The following DSC3 variants were observed in gnomAD, a reference collection of about 807,000 sequenced individuals.
The protein encoded by DSC3 is desmocollin 3.
Under a neutral mutation model 89.5 loss-of-function variants are expected in DSC3, and 97 were observed. That is an observed-to-expected ratio of 1.08 (90% CI 0.92 to 1.28). The LOEUF (loss-of-function observed/expected upper bound fraction) is 1.28. Among genes scored for constraint, DSC3 ranks in the 50% most tolerant of loss-of-function variants. The probability of loss-of-function intolerance (pLI) is 0.00; values close to 1 mark genes in which losing one functional copy is unlikely to be tolerated. For synonymous variants in DSC3, 436 were observed against 384.1 expected, an observed-to-expected ratio of 1.14 and a Z score of -1.58; for missense variants, 1,199 against 1,085.3, an observed-to-expected ratio of 1.10 and a Z score of -1.47.
Position 31,006,676 on chromosome 18 carries a change from A to G in DSC3, c.1888+231T>C, listed in dbSNP as rs561515875. Among the ~76,000 whole-genome samples the G allele has an allele frequency of 3.9e-5, 6 of 152,286 alleles. No individual in the cohort carries two copies. In the South Asian group the frequency reaches 1.2e-3, roughly 32 times the overall value. On this transcript the variant is annotated intron_variant, in intron 12 of 15. Coordinates refer to ENST00000360428, the MANE Select transcript of DSC3 (RefSeq NM_001941.5). ...TGATAAGCTGCCCAACATTTTAACA[A>G]AGCTTTCCTTTGTTGTAAATGTAAA...
rs890245892 is a variant in DSC3, at chr18:31,011,255, T to G, written c.1264-2730A>C. Among the ~76,000 whole-genome samples, 3 of 152,204 alleles carry G rather than the reference T, an allele frequency of 2.0e-5. No individual in the cohort carries two copies. In the South Asian group the frequency reaches 6.2e-4, roughly 32 times the overall value. On this transcript the variant is annotated intron_variant, in intron 9 of 15. Coordinates refer to ENST00000360428, the MANE Select transcript of DSC3 (RefSeq NM_001941.5). ...TAACACTACAGCATAAAATAAGGCT[T>G]TACACTAAATTCTGAGTAATCTCTC...
At chr18:31,022,960 C>A (rs956293742) in intron 6 of DSC3, among the ~76,000 whole-genome samples, 3 of 151,984 alleles carry the variant, frequency 2.0e-5, no homozygotes, top group Non-Finnish European at 2.9e-5. Flanking sequence ...GTAGTCCAGC[C>A]TCTCCTTTCT....
At chr18:31,042,403 C>A (rs1986162652) in intron 1 of DSC3, among the ~76,000 whole-genome samples, 189 bp downstream of exon 1, 1 of 152,226 alleles carries the variant, frequency 6.6e-6, no homozygotes, top group South Asian at 2.1e-4. Context: ...AGTCCAGAGT[C>A]GACCCGCAAA....
Position 31,006,287 on chromosome 18 carries a change from C to T in DSC3, c.1888+620G>A, listed in dbSNP as rs114788666. On this transcript the variant is annotated intron_variant, in intron 12 of 15. Coordinates refer to ENST00000360428, the MANE Select transcript of DSC3 (RefSeq NM_001941.5). ...CACATCTTCTGCTCTCTCCTCACCT[C>T]GCTGGTATTATTATTATTATTATTA... is the stretch of plus-strand genomic sequence containing the variant. Among the ~76,000 whole-genome samples the T allele has an allele frequency of 5.0e-3, 586 of 116,834 alleles. 8 individuals are homozygous for T. The highest frequency in any genetic ancestry group is 0.019 in the African/African-American group (536 of 28,096). The allele number at this position is 116,834 out of a possible 152,430, so 76.6% of individuals were successfully genotyped here.
At chr18:31,020,462 T>G (rs1463079512) in intron 7 of DSC3, among the ~76,000 whole-genome samples, 2 of 152,142 alleles carry the variant, frequency 1.3e-5, no homozygotes, top group East Asian at 3.9e-4. Flanking sequence ...AAAATGAAAT[T>G]TTGCAGATGG....
chr18:31,002,433 G>T (rs371191424), intron 13 of DSC3, among the ~76,000 whole-genome samples: 49 of 152,286 alleles, frequency 3.2e-4, no homozygotes, highest in African/African-American at 1.1e-3. Flanking sequence ...GGGTGCAGTG[G>T]CTCACGCCTG....
intron 14 of DSC3, among the ~76,000 whole-genome samples, chr18:30,999,288 T>A (rs1984575585): frequency 6.6e-6 from 1 of 152,150 alleles, no homozygotes; most frequent in Non-Finnish European, 1.5e-5. Context: ...ACAGATGATT[T>A]ATTGAACCTG....
intron 7 of DSC3, among the ~76,000 whole-genome samples, chr18:31,020,268 G>A (rs1225962331): frequency 6.6e-6 from 1 of 152,104 alleles, no homozygotes; most frequent in Non-Finnish European, 1.5e-5. Flanking sequence ...GCTGCAGGAT[G>A]AGAAGAGCCT....
chr18:31,008,397 A>T lies in DSC3; in HGVS notation c.1392T>A (p.Asp464Glu). ...GAGTGCATTCAGGCCCCTCATCCAG[A>T]TCCCTCACATGAACTGTAACCAAGG... ...NRALVTVHVRDLDEGPECTPA... is the reference protein window; with the variant it reads ...NRALVTVHVRELDEGPECTPA... Residue 464 changes from aspartate (D) to glutamate (E), a missense_variant, in exon 10 of 16, where the codon GAT becomes GAA. By Grantham distance (45) the Asp-to-Glu change is conservative. Transcript: ENST00000360428. The T allele has an allele frequency of 6.2e-7, 1 of 1,614,128 alleles. No individual in the cohort carries two copies. The highest frequency in any genetic ancestry group is 8.5e-7 in the Non-Finnish European group (1 of 1,180,014).
intron 9 of DSC3, among the ~76,000 whole-genome samples, chr18:31,013,423 A>C (rs1985135361): frequency 6.6e-6 from 1 of 152,142 alleles, no homozygotes; most frequent in East Asian, 1.9e-4. Flanking sequence ...CAAATCTCAC[A>C]ACCACAGAAG....
At chr18:31,007,273 TAGAC>T (rs145368809) in intron 11 of DSC3, 142 bp from the exon 12 acceptor site, 47 of 642,580 alleles carry the variant, frequency 7.3e-5, no homozygotes, top group East Asian at 1.1e-4. Flanking sequence ...AATAAGAACA[TAGAC>T]AGATAAATAG....
rs1391141510 is a variant in DSC3 at position 31,029,625 on chromosome 18, A to G, written c.358T>C (p.Ser120Pro). 6.2e-7 allele frequency: 1 copy of G among 1,613,600 alleles called. No individual in the cohort carries two copies. The highest frequency in any genetic ancestry group is 1.3e-5 in the African/African-American group (1 of 74,934). ...TVLLEHQKKV[S>P]KTRHTRETVL... The stretch of plus-strand genomic sequence containing the variant: ...GTTTCTCTAGTGTGTCTTGTCTTCG[A>G]TACCTGAATTTAGAGAAAAACAAAT... The change falls in exon 4 of 16, where the codon TCG becomes CCG. Residue 120 changes from serine to proline, a missense_variant. By Grantham distance (74) the Ser-to-Pro change is moderately conservative. Coordinates refer to ENST00000360428, the MANE Select transcript of DSC3 (RefSeq NM_001941.5).
At chr18:30,996,700 A>C in intron 15 of DSC3, 91 bp downstream of exon 15, 1 of 1,532,134 alleles carries the variant, frequency 6.5e-7, no homozygotes, top group Non-Finnish European at 8.8e-7. Flanking sequence ...AGCCCACAGA[A>C]AAATACAGAA....
intron 1 of DSC3, among the ~76,000 whole-genome samples, chr18:31,040,723 G>A (rs1357395913): frequency 6.6e-6 from 1 of 152,070 alleles, no homozygotes; most frequent in African/African-American, 2.4e-5. Context: ...TTAAAGATAA[G>A]TAATGGTTTA....
chr18:31,022,488 C>A lies in DSC3; in HGVS notation c.790G>T (p.Val264Leu), dbSNP rs765928616. 3 of 1,613,884 alleles carry A rather than the reference C, an allele frequency of 1.9e-6. No homozygotes were observed. In the African/African-American group the frequency reaches 4.0e-5, roughly 22 times the overall value. Residue 264 changes from valine (V) to leucine (L), a missense_variant, in exon 7 of 16, where the codon GTG (valine) becomes TTG (leucine). By Grantham distance (32) the Val-to-Leu change is conservative. Transcript: ENST00000360428. The part of the protein sequence containing the change: ...ESSRPGTTVG[V>L]VCATDRDEPD... ...TCATCTCTGTCTGTGGCACAAACCA[C>A]CCCCACTGTAGTACCTACACATTAA...
chr18:30,990,140 G>A lies in DSC3; in HGVS notation c.*4035C>T, dbSNP rs1984184345. On this transcript the variant is annotated 3_prime_UTR_variant, in exon 16 of 16. Coordinates refer to ENST00000360428, the MANE Select transcript of DSC3 (RefSeq NM_001941.5). ...ATAATTCTTTTACTATGTGCAGGCA[G>A]TGTTCTATGTACTTTAGGTATAGTA... 1 of 152,134 alleles carries A rather than the reference G, an allele frequency of 6.6e-6. No individual in the cohort carries two copies. Among genetic ancestry groups the A allele is most frequent in the Non-Finnish European group, 1.5e-5 (1 of 68,020 alleles). The allele number at this position is 152,134 out of a possible 1,614,324, so 9.4% of individuals were successfully genotyped here. A position where few individuals can be genotyped will look rare whatever the true frequency, so the allele number is the denominator to read the frequency against.
At chr18:30,999,477 ATCT>A (rs1019850652) in intron 14 of DSC3, among the ~76,000 whole-genome samples, 4 of 152,082 alleles carry the variant, frequency 2.6e-5, no homozygotes, top group African/African-American at 7.2e-5. Flanking sequence ...TAATTATTAA[ATCT>A]TCTTGATGGT....
intron 9 of DSC3, among the ~76,000 whole-genome samples, chr18:31,010,788 C>T (rs1477637964): frequency 6.6e-6 from 1 of 152,100 alleles, no homozygotes. Flanking sequence ...TGCTGCTGCT[C>T]CAATGGACAG....
At chr18:31,023,152 G>T (rs1411402011) in intron 6 of DSC3, among the ~76,000 whole-genome samples, 2 of 151,964 alleles carry the variant, frequency 1.3e-5, no homozygotes, top group Admixed American at 1.3e-4. Context: ...CCTCAAGAAA[G>T]CCTGAAACTA....
Sources: allele counts gnomAD v4.1 joint callset (sites outside exome capture counted in the v4.1 genomes callset), GRCh38; gene constraint gnomAD v4.1.1; transcripts MANE v1.5; gene names NCBI Gene and HGNC (gene_info 2026-07-23, HGNC 2026-07-21).